Variants in COL27A1 observed in about 807,000 individuals in gnomAD.
COL27A1 encodes the protein collagen alpha-1(XXVII) chain.
In COL27A1, 106 loss-of-function variants were observed where a neutral mutation model predicts 251.3. The ratio of observed to expected loss-of-function variants is 0.42; its 90% confidence interval spans 0.36 to 0.50. The LOEUF is 0.50. COL27A1 is among the 20% of genes least tolerant of loss of function. The pLI is 0.00. For missense variants in COL27A1, 2,325 were observed against 2,522.8 expected, an observed-to-expected ratio of 0.92 and a Z score of 1.68; for synonymous variants, 1,000 against 986.3, an observed-to-expected ratio of 1.01 and a Z score of -0.26.
intron 28 of COL27A1, among the ~76,000 whole-genome samples, chr9:114,263,847 T>G (rs1362349433): frequency 6.6e-6 from 1 of 152,144 alleles, no homozygotes; most frequent in Non-Finnish European, 1.5e-5. Context: ...CTGTATTCGT[T>G]GTACGTCTGG....
At chr9:114,167,221 G>A (rs932503539) in intron 2 of COL27A1, among the ~76,000 whole-genome samples, 1 of 152,166 alleles carries the variant, frequency 6.6e-6, no homozygotes, top group Non-Finnish European at 1.5e-5. Flanking sequence ...CTCAGCAACA[G>A]CATTTGGTTA....
intron 28 of COL27A1, among the ~76,000 whole-genome samples, chr9:114,263,713 C>A (rs147399597): frequency 6.6e-6 from 1 of 152,190 alleles, no homozygotes; most frequent in Admixed American, 6.5e-5. Context: ...GACCAAGACT[C>A]CTGTGTCAGG....
At chr9:114,257,627 T>C (rs1834017425) in intron 27 of COL27A1, among the ~76,000 whole-genome samples, 1 of 152,084 alleles carries the variant, frequency 6.6e-6, no homozygotes, top group Non-Finnish European at 1.5e-5. Flanking sequence ...GGGCTGGGCC[T>C]TGCTCCCTTC....
chr9:114,310,799 C>A lies in COL27A1; in HGVS notation c.*104C>A. 7.9e-7 allele frequency: 1 copy of A among 1,258,244 alleles called. No homozygotes were observed. The highest frequency in any genetic ancestry group is 1.1e-6 in the Non-Finnish European group (1 of 896,602). 77.9% of individuals were successfully genotyped at this position (1,258,244 alleles called of 1,614,324 possible). A position where few individuals can be genotyped will look rare whatever the true frequency, so the allele number is the denominator to read the frequency against. ...GGCTCCAGGAGAGGCAGCTCCCCTG[C>A]CCAAGGGTCCTTGGGCAGACCCCAG... On this transcript the variant is annotated 3_prime_UTR_variant, in exon 61 of 61. Transcript: ENST00000356083.
intron 58 of COL27A1, 110 bp from the exon 59 acceptor site, chr9:114,307,559 A>G (rs921001165): frequency 1.3e-6 from 1 of 766,910 alleles, no homozygotes; most frequent in Non-Finnish European, 2.3e-6. Context: ...CCCTGACTTC[A>G]TGCTCACCTG....
chr9:114,186,315 G>A (rs184389654), intron 5 of COL27A1, among the ~76,000 whole-genome samples: 20 of 152,354 alleles, frequency 1.3e-4, no homozygotes, highest in East Asian at 7.7e-4. Flanking sequence ...CGCTTAGAGC[G>A]GTGCTGACCC....
intron 28 of COL27A1, 83 bp downstream of exon 28, chr9:114,258,677 G>A: frequency 1.4e-6 from 2 of 1,420,802 alleles, no homozygotes; most frequent in South Asian, 1.2e-5. Flanking sequence ...AGACTGCCTG[G>A]GCTTTGCCCC....
chr9:114,180,683 C>A (rs1827834331), intron 4 of COL27A1, among the ~76,000 whole-genome samples: 1 of 152,224 alleles, frequency 6.6e-6, no homozygotes, highest in African/African-American at 2.4e-5. Context: ...CTTCCTACCT[C>A]CACATATTCC....
chr9:114,231,932 G>A, intron 16 of COL27A1, 66 bp downstream of exon 16: 1 of 1,522,676 alleles, frequency 6.6e-7, no homozygotes, highest in Non-Finnish European at 9.1e-7. Flanking sequence ...CCGCCCGGAG[G>A]CTGCTGCTGA....
intron 7 of COL27A1, 143 bp from the exon 8 acceptor site, chr9:114,204,958 TG>T: frequency 1.5e-6 from 1 of 662,890 alleles, no homozygotes; most frequent in Non-Finnish European, 2.6e-6. Flanking sequence ...TGCATCCATC[TG>T]GGGAACCTTT....
chr9:114,231,644 T>C (rs1389799335), intron 15 of COL27A1, among the ~76,000 whole-genome samples, 178 bp from the exon 16 acceptor site: 1 of 152,184 alleles, frequency 6.6e-6, no homozygotes, highest in African/African-American at 2.4e-5. Context: ...CTCTCACAGC[T>C]CCTTCAGTCC....
chr9:114,256,635 G>A (rs1026941498), intron 27 of COL27A1, among the ~76,000 whole-genome samples: 1 of 152,228 alleles, frequency 6.6e-6, no homozygotes, highest in South Asian at 2.1e-4. Context: ...CCTGCCTTGC[G>A]AGAGCAGGCA....
In COL27A1 at chr9:114,185,188, G is replaced by A. The variant is rs76325526; in HGVS notation, c.2016+2113G>A. On this transcript the variant is annotated intron_variant, in intron 5 of 60. Transcript: ENST00000356083. ...GACCACTGAGGCTCCTCCCTAGCAA[G>A]TGAGTTCTCCTGCCACCACATGGAG... 3.0e-3 allele frequency among the ~76,000 whole-genome samples: 458 copies of A among 152,348 alleles called. 3 individuals are homozygous for A. The highest frequency in any genetic ancestry group is 5.1e-3 in the Non-Finnish European group (349 of 68,032).
intron 37 of COL27A1, among the ~76,000 whole-genome samples, chr9:114,279,242 G>C (rs1835758577): frequency 6.6e-6 from 1 of 152,112 alleles, no homozygotes; most frequent in Non-Finnish European, 1.5e-5. Context: ...TTCTGACCTG[G>C]CTGGGAGGCC....
At chr9:114,283,211 C>T (rs1013879258) in intron 39 of COL27A1, among the ~76,000 whole-genome samples, 10 of 152,198 alleles carry the variant, frequency 6.6e-5, no homozygotes, top group South Asian at 2.1e-4. Flanking sequence ...ACTGACATGA[C>T]GTCACTGAAT....
At chr9:114,158,503 C>T (rs535287622) in intron 1 of COL27A1, among the ~76,000 whole-genome samples, 1 of 152,328 alleles carries the variant, frequency 6.6e-6, no homozygotes, top group East Asian at 1.9e-4. Context: ...TTCCTCGCGG[C>T]TCCCGTTTCG....
rs541788876 is a variant in COL27A1 at position 114,300,450 on chromosome 9, C to T, written c.4639-175C>T. ...TGCCACACAGCACTGAGCCAACACA[C>T]TGCTGGTACCTGCTGAATAATTGTA... On this transcript the variant is annotated intron_variant, in intron 50 of 60. Coordinates refer to ENST00000356083, the MANE Select transcript of COL27A1 (RefSeq NM_032888.4). The T allele has an allele frequency of 3.5e-5, 20 of 574,942 alleles. No individual in the cohort carries two copies. The Admixed American group carries it at 4.0e-4, about 11-fold the overall frequency. 35.6% of individuals were successfully genotyped at this position (574,942 alleles called of 1,614,324 possible).
At chr9:114,281,617 C>T (rs778608805) in intron 37 of COL27A1, among the ~76,000 whole-genome samples, 4 of 152,240 alleles carry the variant, frequency 2.6e-5, no homozygotes, top group South Asian at 2.1e-4. Flanking sequence ...GACATGCCCA[C>T]AGGAATTGCT....
At chr9:114,161,108 A>G (rs1447122179) in intron 1 of COL27A1, among the ~76,000 whole-genome samples, 3 of 152,146 alleles carry the variant, frequency 2.0e-5, no homozygotes, top group Non-Finnish European at 4.4e-5. Flanking sequence ...GTGTCTTCAG[A>G]CACCCACTAT....
Sources: gnomAD v4.1 joint callset for allele counts (sites outside exome capture counted in the v4.1 genomes callset) on GRCh38, gnomAD v4.1.1 for gene constraint, MANE v1.5 for transcripts, NCBI Gene and HGNC (gene_info 2026-07-23, HGNC 2026-07-21) for gene names.